CACUL1: variants seen among roughly 807,000 people sequenced by gnomAD.
The protein encoded by CACUL1 is CDK2 associated cullin domain 1.
Under a neutral mutation model 45.2 loss-of-function variants are expected in CACUL1, and 13 were observed. The ratio of observed to expected loss-of-function variants is 0.29; its 90% CI spans 0.19 to 0.46. The LOEUF (loss-of-function observed/expected upper bound fraction) is 0.46. Among genes scored for constraint, CACUL1 ranks in the 20% least tolerant of loss-of-function variants. The pLI is 1.00. For missense variants in CACUL1, 421 were observed against 471.4 expected (o/e 0.89, Z 0.99); for synonymous variants, 197 against 174.2 (o/e 1.13, Z -1.03).
chr10:118,688,810 A>G (rs1231039221), intron 7 of CACUL1, among the ~76,000 whole-genome samples: 1 of 152,226 alleles, frequency 6.6e-6, no homozygotes, highest in Non-Finnish European at 1.5e-5. Flanking sequence ...AGCCTACCCT[A>G]TATTTCCATG....
Position 118,685,587 on chromosome 10 carries a change from A to G in CACUL1, c.*541T>C, listed in dbSNP as rs1845196253. ...GGAAAGTTCTAGCAAAAGCAGAGTT[A>G]GCATTTTCCTTTAACAAGACTTTCT... is the stretch of plus-strand genomic sequence containing the variant. On this transcript the variant is annotated 3_prime_UTR_variant, in exon 9 of 9. Transcript: ENST00000369151. 1 of 152,732 alleles carries G rather than the reference A, an allele frequency of 6.5e-6. No homozygotes were observed. Among genetic ancestry groups the G allele is most frequent in the African/African-American group, 2.4e-5 (1 of 41,468 alleles). 9.5% of individuals were successfully genotyped at this position (152,732 alleles called of 1,614,324 possible). A position where few individuals can be genotyped will look rare whatever the true frequency, so the allele number is the denominator to read the frequency against.
chr10:118,730,616 G>T (rs1341907999), intron 1 of CACUL1, among the ~76,000 whole-genome samples: 4 of 152,202 alleles, frequency 2.6e-5, no homozygotes, highest in Non-Finnish European at 4.4e-5. Flanking sequence ...GGATTTAAGA[G>T]AAGTTAGTAT....
In CACUL1 at chr10:118,740,851, G is replaced by A. The variant is rs530206933; in HGVS notation, c.368-10441C>T. On this transcript the variant is annotated intron_variant, in intron 1 of 8. Transcript: ENST00000369151. The stretch of plus-strand genomic sequence containing the variant: ...TGAGGCAGGAGAATAGCGTGAACCC[G>A]GGAGACGGAGCTTGCAGTGAGCCAA... 1.1e-4 allele frequency among the ~76,000 whole-genome samples: 17 copies of A among 149,126 alleles called. No homozygotes were observed. The South Asian group carries it at 2.3e-3, about 21-fold the overall frequency.
chr10:118,697,052 A>C (rs1256977938), intron 5 of CACUL1, among the ~76,000 whole-genome samples: 1 of 152,228 alleles, frequency 6.6e-6, no homozygotes, highest in Non-Finnish European at 1.5e-5. Flanking sequence ...ATTTGAAATA[A>C]ATTTAAAATG....
At chr10:118,739,791 C>T (rs1382692711) in intron 1 of CACUL1, among the ~76,000 whole-genome samples, 3 of 152,188 alleles carry the variant, frequency 2.0e-5, no homozygotes, top group African/African-American at 7.2e-5. Context: ...TTTGTTTGAG[C>T]ATTTCAAAAA....
At chr10:118,740,889 G>A (rs200275129) in intron 1 of CACUL1, among the ~76,000 whole-genome samples, 5 of 149,522 alleles carry the variant, frequency 3.3e-5, no homozygotes, top group Non-Finnish European at 5.9e-5. Context: ...TCGCGCCACC[G>A]CACTCCAGCC....
At chr10:118,711,063 T>C (rs1200048707) in intron 3 of CACUL1, among the ~76,000 whole-genome samples, 2 of 152,228 alleles carry the variant, frequency 1.3e-5, no homozygotes, top group Admixed American at 6.5e-5. Context: ...ATTTGTCTAA[T>C]GCTTCAAAAG....
chr10:118,714,862 G>A (rs1191269815), intron 3 of CACUL1, among the ~76,000 whole-genome samples: 1 of 152,158 alleles, frequency 6.6e-6, no homozygotes, highest in Non-Finnish European at 1.5e-5. Context: ...GAAAATTCAT[G>A]CTAAGGCACC....
In CACUL1 at chr10:118,744,697, C is replaced by A. The variant is rs539469305; in HGVS notation, c.367+9699G>T. On this transcript the variant is annotated intron_variant, in intron 1 of 8. Transcript: ENST00000369151. ...CAGGAACAGATTCTCGTCATGTCGC[C>A]CAGCTTGGAGTGCAATGATGCGGTC... Among the ~76,000 whole-genome samples, 3 of 152,182 alleles carry A rather than the reference C, an allele frequency of 2.0e-5. No individual in the cohort carries two copies. In the East Asian group the frequency reaches 5.8e-4, roughly 29 times the overall value.
At chr10:118,727,361 T>C (rs1207099816) in intron 3 of CACUL1, among the ~76,000 whole-genome samples, 1 of 147,122 alleles carries the variant, frequency 6.8e-6, no homozygotes, top group African/African-American at 2.5e-5. Flanking sequence ...ACCACTGCAC[T>C]CCAGCCTGGG....
chr10:118,741,484 C>A (rs12778436), intron 1 of CACUL1, among the ~76,000 whole-genome samples: 39,733 of 151,136 alleles, frequency 0.26, 6,456 homozygotes, highest in South Asian at 0.37. Context: ...ACACACACAC[C>A]CCCTCACTTC....
chr10:118,724,261 GAATA>G (rs1397434533), intron 3 of CACUL1, among the ~76,000 whole-genome samples: 1 of 152,186 alleles, frequency 6.6e-6, no homozygotes, highest in Non-Finnish European at 1.5e-5. Flanking sequence ...TCCTTTTCCA[GAATA>G]AATAGGTGAC....
rs953434675 is a variant in CACUL1, at chr10:118,754,516, C to T, written c.247G>A (p.Glu83Lys). Residue 83 changes from glutamate (E) to lysine (K), a missense_variant, in exon 1 of 9, where the codon GAG becomes AAG. Around this residue, in one of 2 missense-constraint regions of CACUL1, gnomAD observed 213 missense variants for 173.1 expected, o/e 1.23. Transcript: ENST00000369151. ...AACATCATGATCACCCCATTAGCCT[C>T]CGGCGGTGGCTGCGGCCCCATCGGG... ...GLPMGPQPPP[E>K]ANGVIMMLKS... 6.2e-7 allele frequency: 1 copy of T among 1,613,256 alleles called. No individual in the cohort carries two copies. Among genetic ancestry groups the T allele is most frequent in the Non-Finnish European group, 8.5e-7 (1 of 1,179,644 alleles).
chr10:118,751,717 T>TA (rs1276475262), intron 1 of CACUL1, among the ~76,000 whole-genome samples: 1 of 152,230 alleles, frequency 6.6e-6, no homozygotes, highest in African/African-American at 2.4e-5. Context: ...AGACTTAGGC[T>TA]ATTGAGTTTG....
At chr10:118,732,973 A>G (rs564897326) in intron 1 of CACUL1, among the ~76,000 whole-genome samples, 5 of 152,328 alleles carry the variant, frequency 3.3e-5, no homozygotes, top group Non-Finnish European at 7.3e-5. Context: ...TTGAGAGTTG[A>G]AGGTTAGATA....
rs1458857600 is a variant in CACUL1, at chr10:118,677,568, G to A, written c.*8560C>T. On this transcript the variant is annotated 3_prime_UTR_variant, in exon 9 of 9. Transcript: ENST00000369151. ...CTTTATAGCTTTACTACTTGTGTCT[G>A]AGTCCCTAAACAATATACTTAGTTT... is the stretch of plus-strand genomic sequence containing the variant. 6.6e-6 allele frequency: 1 copy of A among 152,154 alleles called. No individual in the cohort carries two copies. The highest frequency in any genetic ancestry group is 1.5e-5 in the Non-Finnish European group (1 of 68,038). The allele number at this position is 152,154 out of a possible 1,614,324, so 9.4% of individuals were successfully genotyped here. A position where few individuals can be genotyped will look rare whatever the true frequency, so the allele number is the denominator to read the frequency against.
intron 1 of CACUL1, among the ~76,000 whole-genome samples, chr10:118,750,257 C>T (rs1203090168): frequency 2.6e-5 from 4 of 151,576 alleles, no homozygotes; most frequent in African/African-American, 7.3e-5. Context: ...ATCCGGGAGG[C>T]GGAGATTGCA....
intron 1 of CACUL1, among the ~76,000 whole-genome samples, chr10:118,751,076 T>C (rs530822796): frequency 1.4e-4 from 22 of 152,344 alleles, no homozygotes; most frequent in Middle Eastern, 3.4e-3. Context: ...TTTCCTATTC[T>C]TTCTATAAGC....
intron 4 of CACUL1, among the ~76,000 whole-genome samples, chr10:118,703,150 T>C (rs563630470): frequency 1.4e-4 from 21 of 152,230 alleles, no homozygotes; most frequent in African/African-American, 4.8e-4. Flanking sequence ...AAGATGCACA[T>C]GGTTAAAAAA....
Sources: gnomAD v4.1 joint callset for allele counts (sites outside exome capture counted in the v4.1 genomes callset) on GRCh38, gnomAD v4.1.1 for gene constraint, gnomAD v4.1.1 regional missense constraint, MANE v1.5 for transcripts, NCBI Gene and HGNC (gene_info 2026-07-23, HGNC 2026-07-21) for gene names.